The following NOTCH2 variants were observed in gnomAD, a reference collection of about 807,000 sequenced individuals.
NOTCH2 encodes notch receptor 2, also known as neurogenic locus notch homolog protein 2.
A neutral mutation model predicts 235.8 loss-of-function variants in NOTCH2; 29 were observed. That is an observed-to-expected ratio of 0.12 (90% CI 0.09 to 0.17). NOTCH2 has a LOEUF of 0.17. Among genes scored for constraint, NOTCH2 ranks in the 10% least tolerant of loss-of-function variants. The pLI is 1.00. For missense variants in NOTCH2, 2,285 were observed against 3,150.2 expected (o/e 0.73, Z 6.57); for synonymous variants, 1,086 against 1,141.5 (o/e 0.95, Z 0.98).
chr1:119,978,405 A>G (rs1264452309), intron 5 of NOTCH2, among the ~76,000 whole-genome samples: 5 of 152,306 alleles, frequency 3.3e-5, no homozygotes, highest in South Asian at 2.1e-4. Flanking sequence ...GATCCAATGC[A>G]TGTTTCAGAA....
intron 17 of NOTCH2, among the ~76,000 whole-genome samples, chr1:119,946,392 T>C (rs1426403963): frequency 6.6e-6 from 1 of 152,008 alleles, no homozygotes; most frequent in Admixed American, 6.6e-5. Flanking sequence ...AACACAGATA[T>C]AGAAATCCTT....
chr1:119,957,884 A>AC (rs1570692329), intron 12 of NOTCH2, among the ~76,000 whole-genome samples: 86 of 139,132 alleles, frequency 6.2e-4, no homozygotes, highest in Admixed American at 1.7e-3. Context: ...ACACACACAC[A>AC]ACAGGCCCCT....
At chr1:120,013,429 T>C (rs1653291494) in intron 2 of NOTCH2, among the ~76,000 whole-genome samples, 1 of 146,352 alleles carries the variant, frequency 6.8e-6, no homozygotes, top group Non-Finnish European at 1.5e-5. Flanking sequence ...TCTTGAACCC[T>C]TGGTGTAGGT....
At chr1:120,047,636 A>G (rs1322914175) in intron 1 of NOTCH2, among the ~76,000 whole-genome samples, 3 of 142,012 alleles carry the variant, frequency 2.1e-5, no homozygotes, top group African/African-American at 5.3e-5. Context: ...GTAAGCCAAC[A>G]TCGCACCACT....
intron 4 of NOTCH2, chr1:119,996,550 A>T: frequency 1.5e-6 from 1 of 674,790 alleles, no homozygotes; most frequent in Non-Finnish European, 2.7e-6. Flanking sequence ...ATAAGAAAAC[A>T]ATGAATTACT....
intron 4 of NOTCH2, among the ~76,000 whole-genome samples, chr1:119,988,247 C>G (rs1652097879): frequency 1.3e-5 from 2 of 152,270 alleles, no homozygotes; most frequent in Middle Eastern, 3.4e-3. Context: ...TACATCTGCT[C>G]TGCTACACTG....
At chr1:119,982,484 T>C (rs927357799) in intron 5 of NOTCH2, among the ~76,000 whole-genome samples, 11 of 152,240 alleles carry the variant, frequency 7.2e-5, no homozygotes, top group Non-Finnish European at 4.4e-5. Flanking sequence ...TAACAGTCTA[T>C]GTAGACAAAA....
Position 119,920,208 on chromosome 1 carries a change from G to A in NOTCH2, c.5479+21C>T, listed in dbSNP as rs1357479911. ...TGGGCAGACACAGCCCAGTGAAGAG[G>A]GGAAGAGGCCCGGTGCTGACCTGGG... is the stretch of plus-strand genomic sequence containing the variant. On this transcript the variant is annotated intron_variant, in intron 30 of 33. Transcript: ENST00000256646. 4 of 1,613,484 alleles carry A rather than the reference G, an allele frequency of 2.5e-6. No individual in the cohort carries two copies. The African/African-American group carries it at 4.0e-5, about 16-fold the overall frequency.
At chr1:120,040,679 G>A (rs1654508154) in intron 1 of NOTCH2, among the ~76,000 whole-genome samples, 1 of 137,720 alleles carries the variant, frequency 7.3e-6, no homozygotes, top group African/African-American at 2.8e-5. Flanking sequence ...TGGAACAGAG[G>A]AAAGCAGATA....
At chr1:119,953,507 A>C (rs782030294) in intron 14 of NOTCH2, 36 bp downstream of exon 14, 2 of 1,611,980 alleles carry the variant, frequency 1.2e-6, no homozygotes, top group South Asian at 2.2e-5. Flanking sequence ...CAAGAAGACA[A>C]AGAGCAGACG....
chr1:119,975,740 C>A (rs1651554918), intron 5 of NOTCH2, among the ~76,000 whole-genome samples: 1 of 152,124 alleles, frequency 6.6e-6, no homozygotes, highest in African/African-American at 2.4e-5. Flanking sequence ...AAACCATGGC[C>A]TGGGCCTCAT....
chr1:120,043,146 C>T (rs1249189474), intron 1 of NOTCH2, among the ~76,000 whole-genome samples: 1 of 151,154 alleles, frequency 6.6e-6, no homozygotes, highest in Non-Finnish European at 1.5e-5. Context: ...AACATCTCAG[C>T]TTCTAATAGG....
chr1:120,025,798 AC>A (rs1553209789), intron 2 of NOTCH2, among the ~76,000 whole-genome samples: 1 of 80,188 alleles, frequency 1.2e-5, no homozygotes, highest in African/African-American at 6.6e-5. Flanking sequence ...AACCTAACCT[AC>A]CCCCAGAATC....
rs782016515 is a variant in NOTCH2 at position 119,929,225 on chromosome 1, G to A, written c.3656-13C>T. 3.7e-6 allele frequency: 6 copies of A among 1,602,208 alleles called. No individual in the cohort carries two copies. The African/African-American group carries it at 5.3e-5, about 14-fold the overall frequency. On this transcript the variant is annotated splice_polypyrimidine_tract_variant and intron_variant, in intron 22 of 33. Transcript: ENST00000256646. ...TCACAGAGTAGGCCTGGAGGAAAGA[G>A]AAGAGGTACAGAATTATGAAAATCC...
At chr1:120,037,908 C>T (rs1369063891) in intron 1 of NOTCH2, among the ~76,000 whole-genome samples, 1 of 151,916 alleles carries the variant, frequency 6.6e-6, no homozygotes, top group African/African-American at 2.4e-5. Flanking sequence ...ATGATAACAA[C>T]TTATAAATGA....
At chr1:119,986,144 A>C (rs1652009904) in intron 5 of NOTCH2, among the ~76,000 whole-genome samples, 1 of 152,204 alleles carries the variant, frequency 6.6e-6, no homozygotes, top group Non-Finnish European at 1.5e-5. Context: ...ATAGCCCACT[A>C]CTGGTACTGT....
chr1:119,963,878 C>T, intron 10 of NOTCH2, 71 bp from the exon 11 acceptor site: 2 of 1,307,642 alleles, frequency 1.5e-6, no homozygotes, highest in South Asian at 2.4e-5. Context: ...ACAAGTGTAG[C>T]TACATCCATT....
intron 3 of NOTCH2, among the ~76,000 whole-genome samples, chr1:120,002,452 C>T (rs1652798010): frequency 6.6e-6 from 1 of 151,632 alleles, no homozygotes; most frequent in Non-Finnish European, 1.5e-5. Context: ...GGTCAATGGG[C>T]AACTACAACA....
At chr1:120,000,371 T>C (rs1391129570) in intron 3 of NOTCH2, among the ~76,000 whole-genome samples, 1 of 151,470 alleles carries the variant, frequency 6.6e-6, no homozygotes, top group Non-Finnish European at 1.5e-5. Flanking sequence ...CCATCTCTAC[T>C]AAAAATACAA....
Sources: allele counts gnomAD v4.1 joint callset (sites outside exome capture counted in the v4.1 genomes callset), GRCh38; gene constraint gnomAD v4.1.1; transcripts MANE v1.5; gene names NCBI Gene and HGNC (gene_info 2026-07-23, HGNC 2026-07-21).